Variants in MRPS28 observed in about 807,000 individuals in gnomAD.
The protein encoded by MRPS28 is small ribosomal subunit protein bS1m.
Under a neutral mutation model 10.8 loss-of-function variants are expected in MRPS28, and 7 were observed. The ratio of observed to expected loss-of-function variants is 0.65; its 90% CI spans 0.37 to 1.22. The LOEUF (loss-of-function observed/expected upper bound fraction) is 1.22, where lower values mean the gene tolerates loss of function less well. Among genes scored for constraint, MRPS28 ranks in the 50% most tolerant of loss-of-function variants. MRPS28 has a pLI of 0.02. For missense variants in MRPS28, 265 were observed against 232.9 expected (o/e 1.14, Z -0.90); for synonymous variants, 121 against 93.3 (o/e 1.30, Z -1.71).
At chr8:79,937,593 T>G (rs1453899406) in intron 2 of MRPS28, among the ~76,000 whole-genome samples, 1 of 152,244 alleles carries the variant, frequency 6.6e-6, no homozygotes, top group Non-Finnish European at 1.5e-5. Flanking sequence ...AAAATTTGTG[T>G]AATTGTGTGT....
intron 2 of MRPS28, among the ~76,000 whole-genome samples, chr8:79,959,045 C>T: frequency 6.6e-6 from 1 of 152,024 alleles, no homozygotes; most frequent in South Asian, 2.1e-4. Context: ...TCAACTAGAG[C>T]TACATAACAG....
intron 1 of MRPS28, among the ~76,000 whole-genome samples, chr8:80,010,028 G>A (rs28714303): frequency 0.023 from 3,512 of 152,186 alleles, 92 homozygotes; most frequent in African/African-American, 0.06. Context: ...TTCTCCTAAA[G>A]TAAATTCCAA....
intron 2 of MRPS28, among the ~76,000 whole-genome samples, chr8:79,996,236 C>G (rs1808499108): frequency 6.6e-6 from 1 of 152,164 alleles, no homozygotes; most frequent in Admixed American, 6.5e-5. Flanking sequence ...TCCCAAATAA[C>G]ATGAGGCATA....
chr8:79,967,465 T>C (rs1321011317), intron 2 of MRPS28, among the ~76,000 whole-genome samples: 3 of 152,184 alleles, frequency 2.0e-5, no homozygotes, highest in Admixed American at 2.0e-4. Context: ...TCTGTTCTCG[T>C]CTAATCAGCT....
chr8:79,948,487 C>T (rs60532924), intron 2 of MRPS28, among the ~76,000 whole-genome samples: 2,174 of 152,260 alleles, frequency 0.014, 57 homozygotes, highest in African/African-American at 0.05. Flanking sequence ...ACAACTCTAG[C>T]TATGACATCC....
chr8:79,986,163 C>A (rs1050540351), intron 2 of MRPS28, among the ~76,000 whole-genome samples: 2 of 152,032 alleles, frequency 1.3e-5, no homozygotes, highest in African/African-American at 4.8e-5. Context: ...TAAACAGAAC[C>A]AAAGACAAAA....
chr8:79,979,393 G>A (rs1807890249), intron 2 of MRPS28, among the ~76,000 whole-genome samples: 1 of 152,124 alleles, frequency 6.6e-6, no homozygotes, highest in South Asian at 2.1e-4. Flanking sequence ...AGCCTTCCCT[G>A]CAGTTAGGGA....
chr8:80,006,843 C>T (rs1424575249), intron 1 of MRPS28, among the ~76,000 whole-genome samples: 5 of 152,184 alleles, frequency 3.3e-5, no homozygotes, highest in Admixed American at 6.5e-5. Flanking sequence ...ACCAGAGGTA[C>T]AAGGAGGAGC....
In MRPS28 at chr8:80,030,199, A is replaced by G; in HGVS notation, c.50T>C (p.Leu17Pro). ...GGGCCTGAAGAAGAGAAACACTCGC[A>G]GAAAATGGCTCTCGGCAGCCACAGC... Reference protein sequence around the residue: ...TRAVAAESHFLRVFLFFRPFR... With the variant: ...TRAVAAESHFPRVFLFFRPFR... The change falls in exon 1 of 3, where the codon CTG becomes CCG. Residue 17 changes from leucine to proline, a missense_variant. Leu to Pro is a moderately conservative substitution (Grantham distance 98). Transcript: ENST00000276585. 6.2e-7 allele frequency: 1 copy of G among 1,614,254 alleles called. No individual in the cohort carries two copies. Among genetic ancestry groups the G allele is most frequent in the Non-Finnish European group, 8.5e-7 (1 of 1,180,048 alleles).
chr8:79,984,069 G>A (rs558613904), intron 2 of MRPS28, among the ~76,000 whole-genome samples: 102 of 152,082 alleles, frequency 6.7e-4, no homozygotes, highest in African/African-American at 1.6e-3. Context: ...GACTAACAGC[G>A]GATCTCTTGG....
chr8:79,971,611 A>G (rs373854110), intron 2 of MRPS28, among the ~76,000 whole-genome samples: 33 of 152,316 alleles, frequency 2.2e-4, no homozygotes, highest in African/African-American at 7.7e-4. Context: ...GGAATCATAC[A>G]ATATGTAGTC....
At chr8:79,943,231 G>T (rs557523725) in intron 2 of MRPS28, among the ~76,000 whole-genome samples, 1 of 152,242 alleles carries the variant, frequency 6.6e-6, no homozygotes, top group Non-Finnish European at 1.5e-5. Context: ...AAAATCTTTA[G>T]TACTGGCAAT....
rs771117461 is a variant in MRPS28 at position 80,030,175 on chromosome 8, G to A, written c.74C>T (p.Pro25Leu). 9.9e-6 allele frequency: 16 copies of A among 1,613,968 alleles called. No homozygotes were observed. The highest frequency in any genetic ancestry group is 1.4e-5 in the Non-Finnish European group (16 of 1,180,036). The change falls in exon 1 of 3, where the codon CCC becomes CTC. Residue 25 changes from proline to leucine, a missense_variant. Physicochemically the swap from Pro to Leu is moderately conservative, Grantham distance 98. Transcript: ENST00000276585. ...HFLRVFLFFR[P>L]FRGVGTESGS... Reference sequence around the variant, plus strand: ...ACTCTCAGTGCCTACACCCCGAAAGGGCCTGAAGAAGAGAAACACTCGCAG... The same window carrying A: ...ACTCTCAGTGCCTACACCCCGAAAGAGCCTGAAGAAGAGAAACACTCGCAG...
At chr8:79,923,338 C>G (rs987532244) in intron 2 of MRPS28, among the ~76,000 whole-genome samples, 3 of 152,152 alleles carry the variant, frequency 2.0e-5, no homozygotes, top group Non-Finnish European at 4.4e-5. Flanking sequence ...CTTGAAAGAA[C>G]AGTAAACATA....
intron 2 of MRPS28, among the ~76,000 whole-genome samples, chr8:79,949,976 T>C (rs1035889752): frequency 6.6e-6 from 1 of 152,208 alleles, no homozygotes; most frequent in African/African-American, 2.4e-5. Flanking sequence ...TTGTATTGCA[T>C]TGTTAGTTAG....
intron 2 of MRPS28, among the ~76,000 whole-genome samples, chr8:79,984,476 T>C (rs1453088324): frequency 6.6e-6 from 1 of 152,146 alleles, no homozygotes; most frequent in African/African-American, 2.4e-5. Flanking sequence ...AGACACAGAC[T>C]GGCAAATTGG....
intron 2 of MRPS28, among the ~76,000 whole-genome samples, chr8:79,943,643 C>G (rs1011477015): frequency 3.9e-5 from 6 of 152,168 alleles, no homozygotes; most frequent in African/African-American, 1.4e-4. Flanking sequence ...TACCAGCATA[C>G]AACTGAATTT....
chr8:79,958,230 G>A (rs1807279222), intron 2 of MRPS28: 1 of 576,910 alleles, frequency 1.7e-6, no homozygotes, highest in Non-Finnish European at 3.0e-6. Context: ...TGTCTATTCT[G>A]AACATTTCAT....
intron 2 of MRPS28, among the ~76,000 whole-genome samples, chr8:79,930,575 A>C (rs1806435637): frequency 6.6e-6 from 1 of 152,178 alleles, no homozygotes; most frequent in Non-Finnish European, 1.5e-5. Flanking sequence ...CTGGCTTCCA[A>C]TCTCAAAGCT....
Sources: allele counts gnomAD v4.1 joint callset (sites outside exome capture counted in the v4.1 genomes callset), GRCh38; gene constraint gnomAD v4.1.1; transcripts MANE v1.5; gene names NCBI Gene and HGNC (gene_info 2026-07-23, HGNC 2026-07-21).